RAD23B: variants seen among roughly 807,000 people sequenced by gnomAD.
RAD23B encodes the protein lysine-specific demethylase RAD23B.
RAD23B carries 5 observed loss-of-function variants against 49.1 expected under a neutral mutation model. The observed-to-expected ratio is 0.10, with a 90% CI of 0.05 to 0.21. The LOEUF (loss-of-function observed/expected upper bound fraction) is 0.21. Ranked by LOEUF, RAD23B falls within the 10% of genes least tolerant of loss-of-function variation. The pLI is 1.00. For missense variants in RAD23B, 356 were observed against 486.7 expected, an observed-to-expected ratio of 0.73 and a Z score of 2.53; for synonymous variants, 184 against 165.4, an observed-to-expected ratio of 1.11 and a Z score of -0.86.
chr9:107,331,038 A>G lies in RAD23B; in HGVS notation c.*1382A>G, dbSNP rs988794288. The G allele has an allele frequency of 2.7e-5, 4 of 148,782 alleles. No homozygotes were observed. The highest frequency in any genetic ancestry group is 2.0e-4 in the East Asian group (1 of 5,050). The allele number at this position is 148,782 out of a possible 1,614,324, so 9.2% of individuals were successfully genotyped here. A position where few individuals can be genotyped will look rare whatever the true frequency, so the allele number is the denominator to read the frequency against. On this transcript the variant is annotated 3_prime_UTR_variant, in exon 10 of 10. Coordinates refer to ENST00000358015, the MANE Select transcript of RAD23B (RefSeq NM_002874.5). ...TTCCTGAGTATAAATAAGAGTATTT[A>G]AAGAAATAATTTGGATTGCTTTTGT...
At chr9:107,320,595 G>GTTAC (rs1331583701) in intron 6 of RAD23B, among the ~76,000 whole-genome samples, 1 of 152,152 alleles carries the variant, frequency 6.6e-6, no homozygotes, top group South Asian at 2.1e-4. Context: ...GCTTTTAACT[G>GTTAC]TTACTAGTTA....
intron 5 of RAD23B, among the ~76,000 whole-genome samples, chr9:107,314,287 T>C (rs1397070859): frequency 6.6e-6 from 1 of 152,226 alleles, no homozygotes; most frequent in Admixed American, 6.5e-5. Flanking sequence ...GCTTTTAGTG[T>C]AGCCATCACC....
chr9:107,306,496 G>A lies in RAD23B; in HGVS notation c.346G>A (p.Ala116Thr). ...TVAQAPTPVPALAPTSTPASI... is the reference protein window; with the variant it reads ...TVAQAPTPVPTLAPTSTPASI... ...GGCTCAGGCTCCAACCCCTGTCCCTGCCTTGGCCCCCACTTCCACACCTGC... is the reference window on the plus strand; with the variant it reads ...GGCTCAGGCTCCAACCCCTGTCCCTACCTTGGCCCCCACTTCCACACCTGC... The change falls in exon 4 of 10, where the codon GCC becomes ACC. Residue 116 changes from alanine (A) to threonine (T), a missense_variant. Transcript: ENST00000358015. The A allele has an allele frequency of 6.2e-7, 1 of 1,614,120 alleles. No individual in the cohort carries two copies. Among genetic ancestry groups the A allele is most frequent in the African/African-American group, 1.3e-5 (1 of 75,036 alleles).
rs1827121719 is a variant in RAD23B, at chr9:107,322,091, G to A, written c.790G>A (p.Ala264Thr). Reference protein sequence around the residue: ...AVAAAAATTTATTTTTSSGGH... With the variant: ...AVAAAAATTTTTTTTTSSGGH... ...GGCTGCAGCTGCAGCAACTACGACAGCAACAACTACAACAACAAGTTCTGG... is the reference window on the plus strand; with the variant it reads ...GGCTGCAGCTGCAGCAACTACGACAACAACAACTACAACAACAAGTTCTGG... Residue 264 changes from alanine (A) to threonine (T), a missense_variant, in exon 7 of 10, where the codon GCA (alanine) becomes ACA (threonine). This residue lies in a region of RAD23B where 148 missense variants were observed against 231.7 expected (regional missense o/e 0.64). Coordinates refer to ENST00000358015, the MANE Select transcript of RAD23B (RefSeq NM_002874.5). The A allele has an allele frequency of 1.2e-6, 2 of 1,609,240 alleles. No individual in the cohort carries two copies. The highest frequency in any genetic ancestry group is 1.3e-5 in the African/African-American group (1 of 74,768).
intron 9 of RAD23B, among the ~76,000 whole-genome samples, chr9:107,326,574 T>TTTG (rs1564253765): frequency 6.6e-6 from 1 of 151,278 alleles, no homozygotes; most frequent in Non-Finnish European, 1.5e-5. Context: ...GGGGGGAAGT[T>TTTG]TTGTGATTAT....
rs1468680679 is a variant in RAD23B, at chr9:107,331,642, A to G, written c.*1986A>G. 1 of 768,818 alleles carries G rather than the reference A, an allele frequency of 1.3e-6. No homozygotes were observed. The highest frequency in any genetic ancestry group is 1.7e-5 in the African/African-American group (1 of 58,464). The allele number at this position is 768,818 out of a possible 1,614,324, so 47.6% of individuals were successfully genotyped here. On this transcript the variant is annotated 3_prime_UTR_variant, in exon 10 of 10. Coordinates refer to ENST00000358015, the MANE Select transcript of RAD23B (RefSeq NM_002874.5). Reference sequence around the variant, plus strand: ...ATCGGATAATGGAATACTCTCATTTATTTTATGACATTCTCTGTCTACTCA... The same window carrying G: ...ATCGGATAATGGAATACTCTCATTTGTTTTATGACATTCTCTGTCTACTCA...
intron 1 of RAD23B, chr9:107,285,033 TA>T: frequency 8.9e-7 from 1 of 1,122,280 alleles, no homozygotes; most frequent in Non-Finnish European, 1.2e-6. Flanking sequence ...TGTACATCTT[TA>T]ATTTTTTAAG....
chr9:107,301,154 C>T (rs1352082923), intron 2 of RAD23B, among the ~76,000 whole-genome samples: 1 of 152,212 alleles, frequency 6.6e-6, no homozygotes, highest in East Asian at 1.9e-4. Context: ...AGCACGACCA[C>T]AGTTTTGTGT....
chr9:107,332,194 A>T (rs542851820), downstream of RAD23B: 1 of 155,918 alleles, frequency 6.4e-6, no homozygotes, highest in African/African-American at 2.4e-5. Context: ...AATACATCCA[A>T]CATTGCACTT....
intron 5 of RAD23B, among the ~76,000 whole-genome samples, chr9:107,315,658 C>T (rs1404672604): frequency 5.9e-5 from 9 of 152,038 alleles, no homozygotes; most frequent in Middle Eastern, 3.4e-3. Context: ...GGATTACAGG[C>T]GCCTGCCACC....
Position 107,329,721 on chromosome 9 carries a change from C to T in RAD23B, c.*65C>T. On this transcript the variant is annotated 3_prime_UTR_variant, in exon 10 of 10. Coordinates refer to ENST00000358015, the MANE Select transcript of RAD23B (RefSeq NM_002874.5). ...TACACTAACTTGTTCACTGGATTGT[C>T]TGGGATGACTTGGGCTCATATCCAC... 2.2e-6 allele frequency: 2 copies of T among 922,852 alleles called. No homozygotes were observed. The highest frequency in any genetic ancestry group is 1.6e-6 in the Non-Finnish European group (1 of 633,662). 57.2% of individuals were successfully genotyped at this position (922,852 alleles called of 1,614,324 possible).
At chr9:107,315,280 G>A (rs1483474331) in intron 5 of RAD23B, among the ~76,000 whole-genome samples, 1 of 152,076 alleles carries the variant, frequency 6.6e-6, no homozygotes, top group Admixed American at 6.6e-5. Flanking sequence ...GATCATTTTG[G>A]TTGTAGGTAT....
At chr9:107,320,291 G>T (rs1470051175) in intron 6 of RAD23B, among the ~76,000 whole-genome samples, 2 of 152,192 alleles carry the variant, frequency 1.3e-5, no homozygotes, top group Non-Finnish European at 2.9e-5. Context: ...AATTTGTTTG[G>T]TGAGGAGTGT....
At chr9:107,311,599 T>A in intron 4 of RAD23B, 83 bp from the exon 5 acceptor site, 2 of 896,352 alleles carry the variant, frequency 2.2e-6, no homozygotes, top group South Asian at 3.5e-5. Flanking sequence ...AGAATCTGTT[T>A]ACCAATTGGA....
intron 5 of RAD23B, among the ~76,000 whole-genome samples, chr9:107,317,101 T>C (rs200553999): frequency 1.2e-4 from 1 of 8,640 alleles, no homozygotes; most frequent in Non-Finnish European, 2.5e-4. Context: ...CGTGCGTGTG[T>C]GTGTGTGTGT....
At chr9:107,320,273 T>C (rs1446686608) in intron 6 of RAD23B, among the ~76,000 whole-genome samples, 3 of 152,246 alleles carry the variant, frequency 2.0e-5, no homozygotes, top group Non-Finnish European at 4.4e-5. Flanking sequence ...GAATTAATAA[T>C]TGTTGTGAAT....
rs530604215 is a variant in RAD23B at position 107,324,138 on chromosome 9, C to T, written c.945+121C>T. On this transcript the variant is annotated intron_variant, in intron 8 of 9. Coordinates refer to ENST00000358015, the MANE Select transcript of RAD23B (RefSeq NM_002874.5). ...TATTTGAGAATGTGAATGTTTTCTT[C>T]CAAGCTACACTTAGATATTGTAATC... 1.3e-4 allele frequency: 146 copies of T among 1,123,946 alleles called. No individual in the cohort carries two copies. In the South Asian group the frequency reaches 2.1e-3, roughly 16 times the overall value. The allele number at this position is 1,123,946 out of a possible 1,614,324, so 69.6% of individuals were successfully genotyped here. A position where few individuals can be genotyped will look rare whatever the true frequency, so the allele number is the denominator to read the frequency against.
At chr9:107,284,741 A>T in intron 1 of RAD23B, 9 of 1,121,240 alleles carry the variant, frequency 8.0e-6, no homozygotes, top group Non-Finnish European at 1.0e-5. Context: ...CTCTATTTTT[A>T]AAAGTAGTTG....
intron 1 of RAD23B, among the ~76,000 whole-genome samples, chr9:107,291,299 T>C (rs1244011417): frequency 6.6e-6 from 1 of 152,252 alleles, no homozygotes; most frequent in African/African-American, 2.4e-5. Flanking sequence ...TTCAAATTCC[T>C]GTGTTTCTTT....
Sources: gnomAD v4.1 joint callset for allele counts (sites outside exome capture counted in the v4.1 genomes callset) on GRCh38, gnomAD v4.1.1 for gene constraint, gnomAD v4.1.1 regional missense constraint, MANE v1.5 for transcripts, NCBI Gene and HGNC (gene_info 2026-07-23, HGNC 2026-07-21) for gene names.